The following AP3B2 variants were observed in gnomAD, a reference collection of about 807,000 sequenced individuals.
The protein encoded by AP3B2 is adaptor related protein complex 3 subunit beta 2.
In AP3B2, 50 loss-of-function variants were observed where a neutral mutation model predicts 126.9. The observed-to-expected ratio is 0.39, with a 90% confidence interval of 0.31 to 0.50. The LOEUF (loss-of-function observed/expected upper bound fraction) is 0.50. AP3B2 is among the 20% of genes least tolerant of loss of function. The pLI is 0.79. For synonymous variants in AP3B2, 541 were observed against 565.0 expected (o/e 0.96, Z 0.60); for missense variants, 1,177 against 1,426.4 (o/e 0.83, Z 2.82).
In AP3B2 at chr15:82,665,432, C is replaced by CACACTT. The variant is rs1567257402; in HGVS notation, c.1971+24_1971+25insAAGTGT. The CACACTT allele has an allele frequency of 2.0e-6, 3 of 1,466,218 alleles. No individual in the cohort carries two copies. The highest frequency in any genetic ancestry group is 1.2e-5 in the South Asian group (1 of 86,636). The allele number at this position is 1,466,218 out of a possible 1,614,324, so 90.8% of individuals were successfully genotyped here. On this transcript the variant is annotated intron_variant, in intron 16 of 26. Transcript: ENST00000535359. This position sits in a 1 kb window ranked among gnomAD's most constrained non-coding sequence, Gnocchi z 4.4. ...ACACACACACACACACACACACACA[C>CACACTT]ACTTCAACCCTCCACCCCGCTGACC... is the stretch of plus-strand genomic sequence containing the variant.
intron 14 of AP3B2, among the ~76,000 whole-genome samples, chr15:82,667,566 A>G (rs1436443519): frequency 6.6e-6 from 1 of 152,202 alleles, no homozygotes; most frequent in East Asian, 1.9e-4. Context: ...GGGAAGCTAC[A>G]ACTGCAGACC....
chr15:82,659,775 G>A, intron 26 of AP3B2, 65 bp from the exon 27 acceptor site: 1 of 1,609,276 alleles, frequency 6.2e-7, no homozygotes, highest in Non-Finnish European at 8.5e-7. Flanking sequence ...AAGGGGATCA[G>A]CAGCTGGGGC....
chr15:82,708,529 T>C (rs1263884299), intron 1 of AP3B2, among the ~76,000 whole-genome samples: 1 of 152,084 alleles, frequency 6.6e-6, no homozygotes, highest in African/African-American at 2.4e-5. Flanking sequence ...GCCACAATCA[T>C]GCCAGGCCTG....
At position 82,665,704 on chromosome 15, in the gene AP3B2, T is replaced by A; in HGVS notation, c.1853-129A>T. On this transcript the variant is annotated intron_variant, in intron 15 of 26. Coordinates refer to ENST00000535359, the MANE Select transcript of AP3B2 (RefSeq NM_001278512.2). This position sits in a 1 kb window ranked among gnomAD's most constrained non-coding sequence, Gnocchi z 4.4. ...GGTGGGTAGGGGAAGGAGATGGATG[T>A]GTGCCCTAATGGCTCTTCCACCCTG... 1.5e-6 allele frequency: 1 copy of A among 677,876 alleles called. No homozygotes were observed. The highest frequency in any genetic ancestry group is 2.6e-6 in the Non-Finnish European group (1 of 384,658). The allele number at this position is 677,876 out of a possible 1,614,324, so 42.0% of individuals were successfully genotyped here. A position where few individuals can be genotyped will look rare whatever the true frequency, so the allele number is the denominator to read the frequency against.
intron 1 of AP3B2, among the ~76,000 whole-genome samples, chr15:82,696,171 TTC>T (rs1177986368): frequency 1.3e-5 from 2 of 152,160 alleles, no homozygotes; most frequent in African/African-American, 4.8e-5. Context: ...AAAGGTAACA[TTC>T]TGAGGTACTG....
intron 4 of AP3B2, chr15:82,685,769 C>T (rs1349719702): frequency 6.6e-6 from 1 of 152,186 alleles, no homozygotes; most frequent in African/African-American, 2.4e-5. Context: ...AGTCTCATAG[C>T]ATTTCCTGCA....
At chr15:82,688,945 C>T in intron 3 of AP3B2, 114 bp from the exon 4 acceptor site, 1 of 1,112,566 alleles carries the variant, frequency 9.0e-7, no homozygotes, top group Non-Finnish European at 1.3e-6. Flanking sequence ...GACAAACTCT[C>T]CCAGTGGGGG....
chr15:82,703,044 T>G (rs1450747022), intron 1 of AP3B2, among the ~76,000 whole-genome samples: 1 of 152,158 alleles, frequency 6.6e-6, no homozygotes, highest in Non-Finnish European at 1.5e-5. Flanking sequence ...TTCCTTTCCT[T>G]TTCTGGTAGA....
At chr15:82,671,121 A>G (rs1267935248) in intron 14 of AP3B2, among the ~76,000 whole-genome samples, 1 of 152,098 alleles carries the variant, frequency 6.6e-6, no homozygotes, top group African/African-American at 2.4e-5. Flanking sequence ...CATCTTTACT[A>G]AAAGTACAGA....
chr15:82,709,519 T>G, intron 1 of AP3B2, 75 bp downstream of exon 1: 1 of 1,078,112 alleles, frequency 9.3e-7, no homozygotes, highest in Non-Finnish European at 1.2e-6. Flanking sequence ...GGCCGGGCGC[T>G]GTCCATGGTG....
chr15:82,693,252 T>C (rs1009294994), intron 1 of AP3B2, among the ~76,000 whole-genome samples: 6 of 106,140 alleles, frequency 5.7e-5, no homozygotes, highest in African/African-American at 2.0e-4. Flanking sequence ...TTTGCAGCAC[T>C]TTTTTTTTTT....
intron 4 of AP3B2, among the ~76,000 whole-genome samples, chr15:82,683,591 AATG>A (rs2048380328): frequency 6.6e-6 from 1 of 152,088 alleles, no homozygotes; most frequent in South Asian, 2.1e-4. Flanking sequence ...AACTCCTGTT[AATG>A]TTAATATTTT....
At chr15:82,700,397 C>CTTGTTTTTTTTTTTTTTTTTTTTTT (rs2048700044) in intron 1 of AP3B2, among the ~76,000 whole-genome samples, 1 of 35,086 alleles carries the variant, frequency 2.9e-5, no homozygotes, top group African/African-American at 1.0e-4. Flanking sequence ...TGGTGGGTGG[C>CTTGTTTTTTTTTTTTTTTTTTTTTT]TTTTTTTTTT....
At chr15:82,700,463 A>G in intron 1 of AP3B2, among the ~76,000 whole-genome samples, 1 of 128,856 alleles carries the variant, frequency 7.8e-6, no homozygotes. Flanking sequence ...TAATGGCGTG[A>G]TCTCGGCTCA....
chr15:82,662,803 C>A lies in AP3B2; in HGVS notation c.2724G>T (p.Val908=). 1.9e-6 allele frequency: 3 copies of A among 1,613,800 alleles called. No individual in the cohort carries two copies. Among genetic ancestry groups the A allele is most frequent in the East Asian group, 2.2e-5 (1 of 44,876 alleles). The change falls in exon 23 of 27, where the codon GTG becomes GTT. Residue 908 remains valine (V), a synonymous_variant. Coordinates refer to ENST00000535359, the MANE Select transcript of AP3B2 (RefSeq NM_001278512.2). ...RQPFSGDPHM[V]SVHIHFSNSS... ...TGTTGGAGAAGTGGATGTGCACGGA[C>A]ACCATGTGGGGATCCCCGGAGAAAG...
chr15:82,667,440 C>A (rs1412783594), intron 14 of AP3B2, among the ~76,000 whole-genome samples: 1 of 152,258 alleles, frequency 6.6e-6, no homozygotes, highest in Non-Finnish European at 1.5e-5. Context: ...AGATTCTGAG[C>A]AGCCCAGGGG....
intron 25 of AP3B2, 70 bp downstream of exon 25, chr15:82,661,755 C>T: frequency 7.6e-7 from 1 of 1,311,396 alleles, no homozygotes; most frequent in Non-Finnish European, 1.1e-6. Context: ...ATTCTCCCTA[C>T]CATCCAAGCT....
chr15:82,666,988 C>A, intron 14 of AP3B2, 55 bp from the exon 15 acceptor site: 1 of 1,539,430 alleles, frequency 6.5e-7, no homozygotes, highest in Non-Finnish European at 8.9e-7. Flanking sequence ...ACACAGGAGG[C>A]TCAGAAACAG....
At chr15:82,676,424 GA>G in intron 14 of AP3B2, 36 bp downstream of exon 14, 2 of 1,603,526 alleles carry the variant, frequency 1.2e-6, no homozygotes, top group Non-Finnish European at 1.7e-6. Flanking sequence ...AGTTTCTGGG[GA>G]CCAGAGTATC....
Sources: allele counts gnomAD v4.1 joint callset (sites outside exome capture counted in the v4.1 genomes callset), GRCh38; gene constraint gnomAD v4.1.1; non-coding constraint Gnocchi (gnomAD v3.1); transcripts MANE v1.5; gene names NCBI Gene and HGNC (gene_info 2026-07-23, HGNC 2026-07-21).